CDH18: variants seen among roughly 807,000 people sequenced by gnomAD.
CDH18 encodes the protein cadherin 18.
A neutral mutation model predicts 67.9 loss-of-function variants in CDH18; 31 were observed. The observed-to-expected ratio is 0.46, with a 90% CI of 0.34 to 0.62. The LOEUF (loss-of-function observed/expected upper bound fraction) is 0.62, where lower values mean the gene tolerates loss of function less well. Among genes scored for constraint, CDH18 ranks in the 20% least tolerant of loss-of-function variants. The pLI, the probability that CDH18 is intolerant of heterozygous loss-of-function variation, is 0.01. For missense variants in CDH18, 890 were observed against 975.5 expected (o/e 0.91, Z 1.17); for synonymous variants, 362 against 347.2 (o/e 1.04, Z -0.48).
intron 5 of CDH18, among the ~76,000 whole-genome samples, chr5:19,720,118 G>T (rs1765889106): frequency 6.6e-6 from 1 of 152,092 alleles, no homozygotes; most frequent in African/African-American, 2.4e-5. Flanking sequence ...GTATTAGCTA[G>T]AGAGAAAGTG....
rs1172291794 is a variant in CDH18, at chr5:20,515,842, C to T, written c.-580+59620G>A. Among the ~76,000 whole-genome samples, 4 of 151,960 alleles carry T rather than the reference C, an allele frequency of 2.6e-5. No individual in the cohort carries two copies. The South Asian group carries it at 6.2e-4, about 24-fold the overall frequency. On this transcript the variant is annotated intron_variant, in intron 1 of 14. Coordinates refer to the CDH18 transcript ENST00000507958. ...TTGGTGCTGGCAGATGTCTTACTTT[C>T]GCATCTATGAACATTTACAAGTCTA...
At chr5:20,306,504 A>G (rs1736473457) in intron 1 of CDH18, among the ~76,000 whole-genome samples, 1 of 138,602 alleles carries the variant, frequency 7.2e-6, no homozygotes, top group Non-Finnish European at 1.7e-5. Flanking sequence ...TACTCTGCCG[A>G]TAGGATTTGC....
At chr5:19,540,148 C>T (rs566865610) in intron 9 of CDH18, among the ~76,000 whole-genome samples, 6 of 152,076 alleles carry the variant, frequency 3.9e-5, no homozygotes, top group South Asian at 4.2e-4. Context: ...AAAAATTGGC[C>T]GAAACAAAGG....
chr5:20,027,106 T>A (rs1738976585), intron 2 of CDH18, among the ~76,000 whole-genome samples: 1 of 152,194 alleles, frequency 6.6e-6, no homozygotes, highest in African/African-American at 2.4e-5. Flanking sequence ...CTTGTTGCTT[T>A]TATAAATAAA....
chr5:19,705,500 G>A (rs1763838975), intron 5 of CDH18, among the ~76,000 whole-genome samples: 2 of 152,228 alleles, frequency 1.3e-5, no homozygotes, highest in South Asian at 4.1e-4. Flanking sequence ...AACAAAGGAG[G>A]CTGAGACAGT....
rs540602025 is a variant in CDH18, at chr5:19,541,558, G to C, written c.1390+2311C>G. 4.8e-4 allele frequency among the ~76,000 whole-genome samples: 73 copies of C among 152,294 alleles called. No individual in the cohort carries two copies. In the South Asian group the frequency reaches 0.015, roughly 31 times the overall value. ...AAAGGAAAAAGGTTTAATGGACTTA[G>C]TTTCACATGGCTGGGAAGGCCTCAC... On this transcript the variant is annotated intron_variant, in intron 9 of 12. Transcript: ENST00000382275.
At chr5:19,998,594 A>G (rs978049554) in intron 2 of CDH18, among the ~76,000 whole-genome samples, 2 of 152,206 alleles carry the variant, frequency 1.3e-5, no homozygotes, top group Admixed American at 6.5e-5. Flanking sequence ...ACATTTATAT[A>G]TAATTGTTCA....
chr5:19,560,856 T>C (rs1039720007), intron 8 of CDH18, among the ~76,000 whole-genome samples: 2 of 151,976 alleles, frequency 1.3e-5, no homozygotes, highest in Middle Eastern at 3.4e-3. Flanking sequence ...AGGACAGTAA[T>C]AGATAATTCT....
At chr5:20,224,132 C>T (rs185421134) in intron 2 of CDH18, among the ~76,000 whole-genome samples, 60 of 152,190 alleles carry the variant, frequency 3.9e-4, no homozygotes, top group Non-Finnish European at 7.8e-4. Context: ...TTTAACTTGG[C>T]CCTTATGACT....
intron 2 of CDH18, among the ~76,000 whole-genome samples, chr5:20,215,439 A>G (rs1480853516): frequency 3.4e-5 from 3 of 88,332 alleles, no homozygotes; most frequent in African/African-American, 1.7e-4. Context: ...CCAAAAAATA[A>G]ATAAATAAAT....
chr5:19,570,391 G>C (rs1741190923), intron 8 of CDH18, among the ~76,000 whole-genome samples: 1 of 152,086 alleles, frequency 6.6e-6, no homozygotes, highest in African/African-American at 2.4e-5. Flanking sequence ...AGATGGAGTA[G>C]GATTGTTGAA....
chr5:20,189,509 T>C (rs1305358839), intron 2 of CDH18, among the ~76,000 whole-genome samples: 1 of 152,130 alleles, frequency 6.6e-6, no homozygotes, highest in Non-Finnish European at 1.5e-5. Context: ...ATGTATTATA[T>C]AAATACACAC....
At chr5:19,923,158 A>C (rs765955691) in intron 2 of CDH18, among the ~76,000 whole-genome samples, 14 of 152,156 alleles carry the variant, frequency 9.2e-5, no homozygotes, top group Non-Finnish European at 1.6e-4. Flanking sequence ...AAGACACATG[A>C]GGCTCTTTAA....
intron 5 of CDH18, among the ~76,000 whole-genome samples, chr5:19,614,408 C>T (rs894746091): frequency 2.0e-5 from 3 of 151,098 alleles, no homozygotes; most frequent in Admixed American, 6.6e-5. Flanking sequence ...AATGATTCAT[C>T]TAACTCATGC....
At chr5:20,376,091 A>ATTTTTTTTTTTTTTTT (rs562655039) in intron 1 of CDH18, among the ~76,000 whole-genome samples, 768 of 49,730 alleles carry the variant, frequency 0.015, 272 homozygotes, top group East Asian at 0.059. Flanking sequence ...AAAAGAAACA[A>ATTTTTTTTTTTTTTTT]TTTTTTTTTT....
At chr5:20,425,666 T>C (rs1275907790) in intron 1 of CDH18, among the ~76,000 whole-genome samples, 1 of 150,874 alleles carries the variant, frequency 6.6e-6, no homozygotes, top group East Asian at 1.9e-4. Context: ...AATCTGGAGA[T>C]TGGGCGCAGA....
chr5:20,132,665 T>A (rs1193286926), intron 2 of CDH18, among the ~76,000 whole-genome samples: 2 of 152,164 alleles, frequency 1.3e-5, no homozygotes, highest in African/African-American at 4.8e-5. Context: ...GAATTTATAA[T>A]ACATCTTTAG....
At chr5:20,561,821 A>G (rs190729725) in intron 1 of CDH18, among the ~76,000 whole-genome samples, 1 of 152,024 alleles carries the variant, frequency 6.6e-6, no homozygotes, top group African/African-American at 2.4e-5. Flanking sequence ...ATGATTGAAC[A>G]TTAGATATGA....
At chr5:19,721,763 A>G (rs1766133107) in intron 4 of CDH18, among the ~76,000 whole-genome samples, 1 of 152,186 alleles carries the variant, frequency 6.6e-6, no homozygotes, top group African/African-American at 2.4e-5. Flanking sequence ...GCAATAAAAT[A>G]TAACCAAGAT....
Sources: gnomAD v4.1 joint callset for allele counts (sites outside exome capture counted in the v4.1 genomes callset) on GRCh38, gnomAD v4.1.1 for gene constraint, MANE v1.5 for transcripts, NCBI Gene and HGNC (gene_info 2026-07-23, HGNC 2026-07-21) for gene names.